The following CERK variants were observed in gnomAD, a reference collection of about 807,000 sequenced individuals.
CERK encodes acylsphingosine kinase.
In CERK, 39 loss-of-function variants were observed where a neutral mutation model predicts 63.4. The ratio of observed to expected loss-of-function variants is 0.61; its 90% CI spans 0.48 to 0.80. The LOEUF (loss-of-function observed/expected upper bound fraction) is 0.80. Ranked by LOEUF, CERK falls within the 30% of genes least tolerant of loss-of-function variation. The probability of loss-of-function intolerance (pLI) is 0.00; values close to 1 mark genes in which losing one functional copy is unlikely to be tolerated. For synonymous variants in CERK, 302 were observed against 280.0 expected, an observed-to-expected ratio of 1.08 and a Z score of -0.78; for missense variants, 670 against 714.1, an observed-to-expected ratio of 0.94 and a Z score of 0.70.
At chr22:46,708,970 G>A (rs576691671) in intron 5 of CERK, among the ~76,000 whole-genome samples, 83 of 152,278 alleles carry the variant, frequency 5.5e-4, no homozygotes, top group African/African-American at 1.4e-3. Context: ...CTGTGCAGGC[G>A]CGACCAGTCT....
At chr22:46,697,383 C>T (rs528664453) in intron 8 of CERK, among the ~76,000 whole-genome samples, 2 of 152,306 alleles carry the variant, frequency 1.3e-5, no homozygotes, top group Non-Finnish European at 1.5e-5. Context: ...TCACTGCAGC[C>T]TCCACCTTCT....
intron 12 of CERK, among the ~76,000 whole-genome samples, chr22:46,688,995 C>T (rs1047225737): frequency 6.6e-6 from 1 of 152,258 alleles, no homozygotes; most frequent in African/African-American, 2.4e-5. Flanking sequence ...ACTCAGATTC[C>T]ATCTGGTTAT....
intron 9 of CERK, chr22:46,693,901 G>A (rs1601709897): frequency 8.8e-6 from 2 of 227,214 alleles, no homozygotes; most frequent in African/African-American, 4.6e-5. Flanking sequence ...ATCTGTTACA[G>A]TCAATAACAA....
chr22:46,715,496 T>A (rs1358652915), intron 3 of CERK, among the ~76,000 whole-genome samples: 2 of 152,128 alleles, frequency 1.3e-5, no homozygotes, highest in Non-Finnish European at 2.9e-5. Context: ...TTCCCGTAAA[T>A]GCCACAGGGT....
chr22:46,738,156 G>A lies in CERK; in HGVS notation c.-8C>T, dbSNP rs1165174787. On this transcript the variant is annotated 5_prime_UTR_variant, in exon 1 of 13. Coordinates refer to ENST00000216264, the MANE Select transcript of CERK (RefSeq NM_022766.6). ...CGCCCCCGTCGCCCCCATCTCCGCC[G>A]CCGGGCTCGTCCGCCAGGCTGGGGG... 23 of 1,174,480 alleles carry A rather than the reference G, an allele frequency of 2.0e-5. No homozygotes were observed. Among genetic ancestry groups the A allele is most frequent in the Non-Finnish European group, 2.3e-5 (22 of 952,326 alleles). 72.8% of individuals were successfully genotyped at this position (1,174,480 alleles called of 1,614,324 possible). A position where few individuals can be genotyped will look rare whatever the true frequency, so the allele number is the denominator to read the frequency against.
chr22:46,721,643 G>A (rs1057223882), intron 1 of CERK, among the ~76,000 whole-genome samples: 1 of 152,154 alleles, frequency 6.6e-6, no homozygotes, highest in East Asian at 1.9e-4. Context: ...GGGGAAACAT[G>A]CTCGAGACAT....
chr22:46,699,505 C>A, intron 7 of CERK, 40 bp from the exon 8 acceptor site: 1 of 1,605,398 alleles, frequency 6.2e-7, no homozygotes, highest in South Asian at 1.1e-5. Flanking sequence ...CAGCCCCCCT[C>A]CAGCCCCGCC....
Position 46,695,298 on chromosome 22 carries a change from A to G in CERK, c.961T>C (p.Ser321Pro). Residue 321 changes from serine to proline, a missense_variant, in exon 9 of 13, where the codon TCC becomes CCC. Coordinates refer to ENST00000216264, the MANE Select transcript of CERK (RefSeq NM_022766.6). The stretch of plus-strand genomic sequence containing the variant: ...ACTGTCCCTTCATAGCAGTGGTGGG[A>G]GAGGAAGGTCTTTAAACCTGGGAAC... The part of the protein sequence containing the change: ...YDFSGLKTFL[S>P]HHCYEGTVSF... The G allele has an allele frequency of 1.2e-6, 2 of 1,606,918 alleles. No homozygotes were observed. Among genetic ancestry groups the G allele is most frequent in the South Asian group, 2.2e-5 (2 of 90,934 alleles).
chr22:46,687,047 A>T lies in CERK; in HGVS notation c.*87T>A. ...CTATCAAAAATAAATTTCTACATTT[A>T]AATGTATATATCAACATAATTGGTC... On this transcript the variant is annotated 3_prime_UTR_variant, in exon 13 of 13. Coordinates refer to ENST00000216264, the MANE Select transcript of CERK (RefSeq NM_022766.6). 9.8e-7 allele frequency: 1 copy of T among 1,023,746 alleles called. No individual in the cohort carries two copies. The highest frequency in any genetic ancestry group is 1.5e-6 in the Non-Finnish European group (1 of 679,896). The allele number at this position is 1,023,746 out of a possible 1,614,324, so 63.4% of individuals were successfully genotyped here. A position where few individuals can be genotyped will look rare whatever the true frequency, so the allele number is the denominator to read the frequency against.
intron 3 of CERK, among the ~76,000 whole-genome samples, chr22:46,716,275 C>T (rs1174675499): frequency 1.3e-5 from 2 of 151,682 alleles, no homozygotes; most frequent in African/African-American, 4.8e-5. Context: ...ACTGCAACCT[C>T]CACCCCCAGG....
intron 3 of CERK, among the ~76,000 whole-genome samples, chr22:46,713,091 TTC>T (rs1233451664): frequency 6.6e-6 from 1 of 152,146 alleles, no homozygotes; most frequent in Non-Finnish European, 1.5e-5. Flanking sequence ...ACTTCCACAT[TTC>T]TGTTTTGGTG....
At position 46,738,250 on chromosome 22, in the gene CERK, G is replaced by GGCGGGCT. The variant is rs567797761; in HGVS notation, c.-103_-102insAGCCCGC. 440,277 of 661,306 alleles carry GGCGGGCT rather than the reference G, an allele frequency of 0.67. 155,733 individuals carry two copies. The highest frequency in any genetic ancestry group is 0.7 in the Non-Finnish European group (371,708 of 530,538). The allele number at this position is 661,306 out of a possible 1,614,324, so 41.0% of individuals were successfully genotyped here. A position where few individuals can be genotyped will look rare whatever the true frequency, so the allele number is the denominator to read the frequency against. ...GTGGCCCGGGCGGCGGGCGGCGGGCGGCGGGAGGCGGCGCTGCGTCACCCC... is the reference window on the plus strand; with the variant it reads ...GTGGCCCGGGCGGCGGGCGGCGGGCGGCGGGCTGCGGGAGGCGGCGCTGCGTCACCCC... On this transcript the variant is annotated 5_prime_UTR_variant, in exon 1 of 13. Coordinates refer to ENST00000216264, the MANE Select transcript of CERK (RefSeq NM_022766.6).
intron 6 of CERK, among the ~76,000 whole-genome samples, chr22:46,704,823 T>TC (rs2082805212): frequency 1.6e-5 from 1 of 62,434 alleles, no homozygotes; most frequent in African/African-American, 1.1e-4. Flanking sequence ...AGACTCCATC[T>TC]CAAAAAAAAA....
At position 46,738,135 on chromosome 22, in the gene CERK, C is replaced by A; in HGVS notation, c.14G>T (p.Gly5Val). Residue 5 changes from glycine (G) to valine (V), a missense_variant, in exon 1 of 13, where the codon GGG (glycine) becomes GTG (valine). Gly to Val is a moderately radical substitution (Grantham distance 109). Transcript: ENST00000216264. Reference sequence around the variant, plus strand: ...CACGGATTGCAGCGGCTCCGCCGCCCCCGTCGCCCCCATCTCCGCCGCCGG... The same window carrying A: ...CACGGATTGCAGCGGCTCCGCCGCCACCGTCGCCCCCATCTCCGCCGCCGG... MGAT[G>V]AAEPLQSVLW... is the part of the protein sequence containing the mutation. The A allele has an allele frequency of 8.2e-7, 1 of 1,215,372 alleles. No individual in the cohort carries two copies. The highest frequency in any genetic ancestry group is 1.0e-6 in the Non-Finnish European group (1 of 974,308). The allele number at this position is 1,215,372 out of a possible 1,614,324, so 75.3% of individuals were successfully genotyped here. A position where few individuals can be genotyped will look rare whatever the true frequency, so the allele number is the denominator to read the frequency against.
At chr22:46,702,542 T>C (rs2082792380) in intron 6 of CERK, among the ~76,000 whole-genome samples, 1 of 152,140 alleles carries the variant, frequency 6.6e-6, no homozygotes, top group African/African-American at 2.4e-5. Context: ...CCGCCCGCCT[T>C]GGCCTCCCAA....
intron 1 of CERK, among the ~76,000 whole-genome samples, chr22:46,725,650 TGA>T (rs2082914825): frequency 6.6e-6 from 1 of 152,188 alleles, no homozygotes; most frequent in Non-Finnish European, 1.5e-5. Context: ...AGAATTCTCG[TGA>T]GACACCACAG....
At chr22:46,716,191 CTTTTTT>C (rs79638073) in intron 3 of CERK, among the ~76,000 whole-genome samples, 1 of 141,314 alleles carries the variant, frequency 7.1e-6, no homozygotes, top group Admixed American at 7.1e-5. Context: ...CCTCATCTCC[CTTTTTT>C]TTTTTTTTTT....
intron 6 of CERK, among the ~76,000 whole-genome samples, chr22:46,705,404 G>C (rs2082808126): frequency 6.6e-6 from 1 of 152,214 alleles, no homozygotes; most frequent in Non-Finnish European, 1.5e-5. Context: ...GGGTCCAGTG[G>C]CTCATGCCTG....
intron 1 of CERK, among the ~76,000 whole-genome samples, chr22:46,729,327 C>G (rs2082934457): frequency 6.6e-6 from 1 of 152,010 alleles, no homozygotes; most frequent in African/African-American, 2.4e-5. Context: ...CCACTGCACT[C>G]CAGCCTGGGA....
Sources: gnomAD v4.1 joint callset for allele counts (sites outside exome capture counted in the v4.1 genomes callset) on GRCh38, gnomAD v4.1.1 for gene constraint, MANE v1.5 for transcripts, NCBI Gene and HGNC (gene_info 2026-07-23, HGNC 2026-07-21) for gene names.